ANO6: variants seen among roughly 807,000 people sequenced by gnomAD.
The protein encoded by ANO6 is anoctamin-6.
ANO6 carries 106 observed loss-of-function variants against 117.5 expected under a neutral mutation model. The observed-to-expected ratio is 0.90, with a 90% CI of 0.77 to 1.06. The LOEUF (loss-of-function observed/expected upper bound fraction) is 1.06. ANO6 is among the 50% of genes least tolerant of loss of function. The pLI is 0.00. For synonymous variants in ANO6, 367 were observed against 385.1 expected, an observed-to-expected ratio of 0.95 and a Z score of 0.55; for missense variants, 955 against 1,121.1, an observed-to-expected ratio of 0.85 and a Z score of 2.12.
At chr12:45,277,755 C>T (rs10785564) in intron 1 of ANO6, among the ~76,000 whole-genome samples, 137,053 of 152,100 alleles carry the variant, frequency 0.9, 62,829 homozygotes, top group Non-Finnish European at 0.99. Flanking sequence ...CTTCTACTTT[C>T]AGGAGTTGCT....
At chr12:45,399,859 A>G (rs368616527) in intron 12 of ANO6, among the ~76,000 whole-genome samples, 10 of 152,224 alleles carry the variant, frequency 6.6e-5, no homozygotes, top group African/African-American at 2.4e-4. Flanking sequence ...TATGATCAGA[A>G]AAGTATTAAT....
intron 1 of ANO6, among the ~76,000 whole-genome samples, chr12:45,265,240 A>T (rs1295444925): frequency 6.6e-6 from 1 of 152,182 alleles, no homozygotes; most frequent in Admixed American, 6.5e-5. Flanking sequence ...ATCATTTCAG[A>T]CATCTCTTCC....
At chr12:45,288,893 G>A (rs566538492) in intron 1 of ANO6, among the ~76,000 whole-genome samples, 436 of 151,246 alleles carry the variant, frequency 2.9e-3, no homozygotes, top group Middle Eastern at 0.01. Flanking sequence ...GACTACAGGC[G>A]CCTGCCACCA....
chr12:45,228,125 T>G (rs1161272816), intron 1 of ANO6: 9 of 24,144 alleles, frequency 3.7e-4, no homozygotes, highest in East Asian at 2.4e-3. Context: ...TTTGTGTTGT[T>G]TTTTTTTTTT....
intron 1 of ANO6, among the ~76,000 whole-genome samples, chr12:45,294,592 G>GA (rs1939226540): frequency 6.6e-6 from 1 of 152,164 alleles, no homozygotes; most frequent in South Asian, 2.1e-4. Flanking sequence ...ATGATTAGAA[G>GA]AGACTGCCAC....
chr12:45,264,005 A>G (rs571980113), intron 1 of ANO6, among the ~76,000 whole-genome samples: 85 of 152,248 alleles, frequency 5.6e-4, no homozygotes, highest in Admixed American at 2.4e-3. Context: ...ATATCATATC[A>G]TCTTCCCTGT....
At chr12:45,349,389 T>A (rs1243541953) in intron 6 of ANO6, among the ~76,000 whole-genome samples, 1 of 152,176 alleles carries the variant, frequency 6.6e-6, no homozygotes, top group Non-Finnish European at 1.5e-5. Context: ...ACCCCTCAAA[T>A]TCAAGAGTAC....
At chr12:45,407,923 C>T (rs1292070678) in intron 15 of ANO6, among the ~76,000 whole-genome samples, 6 of 152,144 alleles carry the variant, frequency 3.9e-5, no homozygotes, top group African/African-American at 1.2e-4. Context: ...TTTCCACAGC[C>T]TCCTGCTGCC....
At chr12:45,282,189 T>A (rs1012224622) in intron 1 of ANO6, among the ~76,000 whole-genome samples, 2 of 152,218 alleles carry the variant, frequency 1.3e-5, no homozygotes, top group African/African-American at 2.4e-5. Flanking sequence ...GCATAAGTCC[T>A]GTGTGTTAAT....
chr12:45,222,353 G>A (rs1424229944), intron 1 of ANO6, among the ~76,000 whole-genome samples: 2 of 152,026 alleles, frequency 1.3e-5, no homozygotes, highest in African/African-American at 4.8e-5. Context: ...TAGAAATGGG[G>A]TTTCGCCATG....
At chr12:45,374,684 G>A (rs1371167127) in intron 9 of ANO6, among the ~76,000 whole-genome samples, 1 of 136,424 alleles carries the variant, frequency 7.3e-6, no homozygotes, top group Non-Finnish European at 1.6e-5. Flanking sequence ...CAATAAATTA[G>A]GTATTGATGG....
Position 45,431,452 on chromosome 12 carries a change from T to C in ANO6, c.*2141T>C, listed in dbSNP as rs1943630675. 2.0e-6 allele frequency: 2 copies of C among 985,312 alleles called. No homozygotes were observed. 61.0% of individuals were successfully genotyped at this position (985,312 alleles called of 1,614,324 possible). A position where few individuals can be genotyped will look rare whatever the true frequency, so the allele number is the denominator to read the frequency against. The stretch of plus-strand genomic sequence containing the variant: ...TATCTCCTGTATGTATGATAGAACT[T>C]AAAAGAAATGTGCATTTGTTTTCAT... On this transcript the variant is annotated 3_prime_UTR_variant, in exon 20 of 20. Transcript: ENST00000320560.
intron 19 of ANO6, among the ~76,000 whole-genome samples, chr12:45,437,378 T>G (rs867136756): frequency 6.6e-6 from 1 of 152,354 alleles, no homozygotes; most frequent in African/African-American, 2.4e-5. Context: ...GCCACTCTTC[T>G]CACTAGATTA....
chr12:45,382,242 C>G (rs749140132), intron 10 of ANO6, among the ~76,000 whole-genome samples: 1 of 152,116 alleles, frequency 6.6e-6, no homozygotes, highest in Non-Finnish European at 1.5e-5. Flanking sequence ...GTTTAGTCTC[C>G]TTGGTTCTAC....
rs1943355388 is a variant in ANO6 at position 45,421,215 on chromosome 12, T to A, written c.2362T>A (p.Phe788Ile). 1 of 1,614,192 alleles carries A rather than the reference T, an allele frequency of 6.2e-7. No individual in the cohort carries two copies. Among genetic ancestry groups the A allele is most frequent in the African/African-American group, 1.3e-5 (1 of 75,050 alleles). ...NTLSIFKVAD[F>I]KNKSKGNPYS... ...TCTCTCCATCTTCAAAGTCGCAGACTTCAAAAACAAAAGCAAGGGAAACCC... is the reference window on the plus strand; with the variant it reads ...TCTCTCCATCTTCAAAGTCGCAGACATCAAAAACAAAAGCAAGGGAAACCC... The change falls in exon 18 of 20, where the codon TTC becomes ATC. Residue 788 changes from phenylalanine to isoleucine, a missense_variant. By Grantham distance (21) the Phe-to-Ile change is conservative (BLOSUM62 0). Coordinates refer to ENST00000320560, the MANE Select transcript of ANO6 (RefSeq NM_001025356.3).
At chr12:45,342,808 G>A (rs1941018344) in intron 3 of ANO6, among the ~76,000 whole-genome samples, 1 of 152,180 alleles carries the variant, frequency 6.6e-6, no homozygotes, top group African/African-American at 2.4e-5. Flanking sequence ...AGTAGGCAGG[G>A]CCATGGGAGG....
rs764885412 is a variant in ANO6, at chr12:45,421,042, A to T, written c.2218-29A>T. 4.1e-5 allele frequency: 66 copies of T among 1,610,682 alleles called. 1 individual carries two copies. ...CTCAAAAACAAAAAACTATAACTTC[A>T]TTTTCGCTTTGTTTTTCTCCCAAAA... On this transcript the variant is annotated intron_variant, in intron 17 of 19. Coordinates refer to ENST00000320560, the MANE Select transcript of ANO6 (RefSeq NM_001025356.3).
At position 45,414,616 on chromosome 12, in the gene ANO6, T is replaced by C. The variant is rs1943167803; in HGVS notation, c.2012-2083T>C. ...TATACTAGTTCTAAACTGTTTCAAT[T>C]ACCATAGCATTATAATACACTCAAT... On this transcript the variant is annotated intron_variant, in intron 16 of 19. Transcript: ENST00000320560. Among the ~76,000 whole-genome samples, 4 of 152,344 alleles carry C rather than the reference T, an allele frequency of 2.6e-5. No individual in the cohort carries two copies. The South Asian group carries it at 8.3e-4, about 32-fold the overall frequency.
chr12:45,303,196 C>T (rs1308312036), intron 2 of ANO6, among the ~76,000 whole-genome samples: 1 of 152,178 alleles, frequency 6.6e-6, no homozygotes, highest in East Asian at 1.9e-4. Flanking sequence ...TGAAAATCAC[C>T]TGGATATAAT....
Sources: allele counts gnomAD v4.1 joint callset (sites outside exome capture counted in the v4.1 genomes callset), GRCh38; gene constraint gnomAD v4.1.1; transcripts MANE v1.5; gene names NCBI Gene and HGNC (gene_info 2026-07-23, HGNC 2026-07-21).